Variants in SPTBN1 observed in about 807,000 individuals in gnomAD.
SPTBN1 encodes spectrin beta chain, non-erythrocytic 1.
A neutral mutation model predicts 266.4 loss-of-function variants in SPTBN1; 32 were observed. The ratio of observed to expected loss-of-function variants is 0.12; its 90% CI spans 0.09 to 0.16. The LOEUF is 0.16. SPTBN1 is among the 10% of genes least tolerant of loss of function. The probability of loss-of-function intolerance (pLI) is 1.00; values close to 1 mark genes in which losing one functional copy is unlikely to be tolerated. For missense variants in SPTBN1, 2,296 were observed against 3,067.1 expected, an observed-to-expected ratio of 0.75 and a Z score of 5.94; for synonymous variants, 1,336 against 1,162.2, an observed-to-expected ratio of 1.15 and a Z score of -3.04.
At chr2:54,580,526 C>T (rs1229714477) in intron 2 of SPTBN1, among the ~76,000 whole-genome samples, 1 of 151,536 alleles carries the variant, frequency 6.6e-6, no homozygotes, top group African/African-American at 2.4e-5. Context: ...CTAGTATTGC[C>T]ATTAGCTGCT....
chr2:54,598,544 C>T (rs1676257450), intron 2 of SPTBN1, among the ~76,000 whole-genome samples: 1 of 152,156 alleles, frequency 6.6e-6, no homozygotes, highest in African/African-American at 2.4e-5. Context: ...TTTATCTTGT[C>T]CAGTGTTGCC....
intron 2 of SPTBN1, among the ~76,000 whole-genome samples, chr2:54,559,616 TC>T: frequency 6.6e-6 from 1 of 152,264 alleles, no homozygotes. Context: ...TGTGCTGTTT[TC>T]CCTGCGGCCC....
At chr2:54,613,961 C>A (rs932712490) in intron 4 of SPTBN1, among the ~76,000 whole-genome samples, 1 of 152,212 alleles carries the variant, frequency 6.6e-6, no homozygotes, top group South Asian at 2.1e-4. Flanking sequence ...GGTCAGCACC[C>A]AGGTCAGGGA....
At chr2:54,505,004 A>G (rs1193630934) in intron 1 of SPTBN1, among the ~76,000 whole-genome samples, 1 of 152,202 alleles carries the variant, frequency 6.6e-6, no homozygotes, top group African/African-American at 2.4e-5. Flanking sequence ...TAGAGTGCAA[A>G]TATTTTCTTG....
intron 1 of SPTBN1, among the ~76,000 whole-genome samples, chr2:54,490,548 G>A (rs972948967): frequency 1.3e-5 from 2 of 152,196 alleles, no homozygotes; most frequent in African/African-American, 4.8e-5. Flanking sequence ...TTCTGATTGG[G>A]AATAAGCACT....
At chr2:54,475,728 A>C (rs1262886938) in intron 1 of SPTBN1, among the ~76,000 whole-genome samples, 1 of 152,184 alleles carries the variant, frequency 6.6e-6, no homozygotes, top group Non-Finnish European at 1.5e-5. Context: ...ATTCAGACTC[A>C]TTGTTTAGTG....
chr2:54,465,347 G>T (rs1315506341), intron 1 of SPTBN1, among the ~76,000 whole-genome samples: 2 of 152,070 alleles, frequency 1.3e-5, no homozygotes, highest in African/African-American at 4.8e-5. Context: ...GTTCTCACTC[G>T]TGGAAACCTA....
chr2:54,637,814 C>G lies in SPTBN1; in HGVS notation c.3858+11C>G, dbSNP rs750501359. 6 of 1,605,976 alleles carry G rather than the reference C, an allele frequency of 3.7e-6. No individual in the cohort carries two copies. The highest frequency in any genetic ancestry group is 1.3e-5 in the African/African-American group (1 of 74,754). On this transcript the variant is annotated intron_variant, in intron 18 of 35. Coordinates refer to ENST00000356805, the MANE Select transcript of SPTBN1 (RefSeq NM_003128.3). ...CAAGATTGTCAAGAGGTATGTTACT[C>G]TTTAATCCCTCTATTCCTGTGTTCC...
intron 2 of SPTBN1, chr2:54,557,618 C>T: frequency 4.5e-6 from 3 of 667,738 alleles, no homozygotes; most frequent in Non-Finnish European, 5.6e-6. Flanking sequence ...TCCCTCATCT[C>T]CCCTCCGGAT....
At chr2:54,586,020 A>G (rs1379501332) in intron 2 of SPTBN1, among the ~76,000 whole-genome samples, 2 of 152,242 alleles carry the variant, frequency 1.3e-5, no homozygotes, top group East Asian at 3.8e-4. Flanking sequence ...ATAGTGCTAA[A>G]CTTTAAAATT....
At chr2:54,557,966 C>A in intron 2 of SPTBN1, 1 of 985,058 alleles carries the variant, frequency 1.0e-6, no homozygotes, top group African/African-American at 1.7e-5. Flanking sequence ...GTGCGGGCCG[C>A]GTTACCTCAG....
At chr2:54,522,697 G>GAGAGAGAGAGAGAGAGAAAGAA (rs1553439438) in intron 1 of SPTBN1, among the ~76,000 whole-genome samples, 2 of 97,330 alleles carry the variant, frequency 2.1e-5, no homozygotes, top group East Asian at 2.8e-4. Context: ...GAGAGAGAGA[G>GAGAGAGAGAGAGAGAGAAAGAA]AGAAAGAAAG....
chr2:54,502,174 A>G (rs955828578), intron 1 of SPTBN1, among the ~76,000 whole-genome samples: 1 of 152,090 alleles, frequency 6.6e-6, no homozygotes, highest in African/African-American at 2.4e-5. Context: ...CAATAGTGAG[A>G]CTGTGGTTCT....
chr2:54,668,464 C>T lies in SPTBN1; in HGVS notation c.6990C>T (p.Pro2330=), dbSNP rs763270621. ...TPASSRAQTL[P]TSVVTITSES... Reference sequence around the variant, plus strand: ...CATCCAGCCGCGCGCAGACCCTCCCCACCAGCGTCGTCACCATCACCAGCG... The same window carrying T: ...CATCCAGCCGCGCGCAGACCCTCCCTACCAGCGTCGTCACCATCACCAGCG... Residue 2330 remains proline, a synonymous_variant, in exon 36 of 36, where the codon CCC becomes CCT. Transcript: ENST00000356805. The T allele has an allele frequency of 3.1e-6, 5 of 1,614,100 alleles. No individual in the cohort carries two copies. Among genetic ancestry groups the T allele is most frequent in the Admixed American group, 3.3e-5 (2 of 60,014 alleles).
chr2:54,661,155 T>A (rs1407866152), intron 32 of SPTBN1: 2 of 985,348 alleles, frequency 2.0e-6, no homozygotes, highest in Non-Finnish European at 2.4e-6. Flanking sequence ...TTTTGTGGAA[T>A]TCTCTGATAA....
Position 54,631,355 on chromosome 2 carries a change from A to G in SPTBN1, c.3308A>G (p.Gln1103Arg), listed in dbSNP as rs778776926. 6.2e-6 allele frequency: 10 copies of G among 1,614,124 alleles called. No individual in the cohort carries two copies. In the Admixed American group the frequency reaches 6.7e-5, roughly 11 times the overall value. ...TLTEAEKLLT[Q>R]HENIKNEIDN... The stretch of plus-strand genomic sequence containing the variant: ...ACCGAGGCTGAGAAGCTGCTCACGC[A>G]GCACGAGAACATCAAGAACGAGATC... The change falls in exon 16 of 36, where the codon CAG becomes CGG. Residue 1103 changes from glutamine (Q) to arginine (R), a missense_variant. By Grantham distance (43) the Gln-to-Arg change is conservative. Transcript: ENST00000356805.
chr2:54,521,664 C>T (rs1327168882), intron 1 of SPTBN1, among the ~76,000 whole-genome samples: 1 of 152,010 alleles, frequency 6.6e-6, no homozygotes, highest in Non-Finnish European at 1.5e-5. Context: ...CGGGCACGTG[C>T]CACCGTGCCC....
intron 1 of SPTBN1, among the ~76,000 whole-genome samples, chr2:54,457,024 C>G (rs1244095486): frequency 6.6e-6 from 1 of 151,732 alleles, no homozygotes; most frequent in Admixed American, 6.6e-5. Context: ...GGGCCGGGCT[C>G]TGCGCGTAGC....
chr2:54,575,270 G>A (rs777243994), intron 2 of SPTBN1, among the ~76,000 whole-genome samples: 3 of 152,200 alleles, frequency 2.0e-5, no homozygotes, highest in Admixed American at 6.5e-5. Context: ...ATACACAGCT[G>A]AAAGAAACCA....
Sources: gnomAD v4.1 joint callset for allele counts (sites outside exome capture counted in the v4.1 genomes callset) on GRCh38, gnomAD v4.1.1 for gene constraint, MANE v1.5 for transcripts, NCBI Gene and HGNC (gene_info 2026-07-23, HGNC 2026-07-21) for gene names.